ASTE1: variants seen among roughly 807,000 people sequenced by gnomAD.
ASTE1 encodes the protein asteroid structure-specific endonuclease 1, also known as single-strand DNA endonuclease ASTE1.
Under a neutral mutation model 45.8 loss-of-function variants are expected in ASTE1, and 49 were observed. That is an observed-to-expected ratio of 1.07 (90% CI 0.85 to 1.36). The LOEUF (loss-of-function observed/expected upper bound fraction) is 1.36, where lower values mean the gene tolerates loss of function less well. Ranked by LOEUF, ASTE1 falls within the 40% of genes most tolerant of loss-of-function variation. The pLI is 0.00. For missense variants in ASTE1, 709 were observed against 804.0 expected, an observed-to-expected ratio of 0.88 and a Z score of 1.43; for synonymous variants, 296 against 303.9, an observed-to-expected ratio of 0.97 and a Z score of 0.27.
At chr3:131,020,957 T>A (rs559346699) in intron 3 of ASTE1, among the ~76,000 whole-genome samples, 1 of 152,258 alleles carries the variant, frequency 6.6e-6, no homozygotes, top group Admixed American at 6.5e-5. Flanking sequence ...GGTATCCTGA[T>A]CCCTATTTCA....
At chr3:131,016,376 A>C in intron 4 of ASTE1, 37 bp from the exon 5 acceptor site, 1 of 1,610,282 alleles carries the variant, frequency 6.2e-7, no homozygotes, top group Non-Finnish European at 8.5e-7. Context: ...GTATTTCTAA[A>C]AGCACTGTAA....
intron 4 of ASTE1, 53 bp from the exon 5 acceptor site, chr3:131,016,392 T>C: frequency 1.3e-6 from 2 of 1,587,032 alleles, no homozygotes; most frequent in Non-Finnish European, 1.7e-6. Flanking sequence ...TGTAACAGCT[T>C]TTCATTTTCT....
chr3:131,017,308 T>G (rs767844867), intron 4 of ASTE1, among the ~76,000 whole-genome samples: 9 of 152,240 alleles, frequency 5.9e-5, no homozygotes, highest in Non-Finnish European at 1.2e-4. Context: ...CCATGCTGTT[T>G]CATTCTTTTA....
chr3:131,015,316 G>T, intron 5 of ASTE1: 1 of 664,444 alleles, frequency 1.5e-6, no homozygotes, highest in South Asian at 1.6e-5. Flanking sequence ...TCTGAGTGGA[G>T]AGACAAACAA....
chr3:131,015,979 C>T, intron 5 of ASTE1, 165 bp downstream of exon 5: 1 of 849,056 alleles, frequency 1.2e-6, no homozygotes, highest in Non-Finnish European at 1.9e-6. Flanking sequence ...TTCCCGTTTC[C>T]AGCTCTTCAG....
chr3:131,022,786 A>T (rs2063761067), intron 3 of ASTE1, among the ~76,000 whole-genome samples: 1 of 152,126 alleles, frequency 6.6e-6, no homozygotes, highest in African/African-American at 2.4e-5. Flanking sequence ...TCACTATGAC[A>T]TTCATCTCCT....
rs1257508987 is a variant in ASTE1, at chr3:131,018,597, C to T, written c.1422G>A (p.Gln474=). Residue 474 remains glutamine (Q), a synonymous_variant, in exon 4 of 6, where the codon CAG becomes CAA. Coordinates refer to ENST00000264992, the MANE Select transcript of ASTE1 (RefSeq NM_014065.4). ...GTAGCTTTGCTTTGGTCTCGGTGTG[C>T]TGCAACCAGTAGCAACTGACAGCAA... The part of the protein sequence containing the change: ...LPIAVSCYWL[Q]HTETKAKLHH... 3.1e-6 allele frequency: 5 copies of T among 1,613,866 alleles called. No homozygotes were observed. Among genetic ancestry groups the T allele is most frequent in the Non-Finnish European group, 4.2e-6 (5 of 1,180,010 alleles).
At position 131,018,700 on chromosome 3, in the gene ASTE1, C is replaced by T. The variant is rs527868033; in HGVS notation, c.1319G>A (p.Arg440Gln). Residue 440 changes from arginine to glutamine, a missense_variant, in exon 4 of 6, where the codon CGG becomes CAG. Arg to Gln is a conservative substitution (Grantham distance 43). Transcript: ENST00000264992. ...SRLTELSLRR[R>Q]QMLLLETLKV... Reference sequence around the variant, plus strand: ...CAGGGTTTCTAACAGAAGCATCTGCCGCCTCCTCAAGGAGAGCTGAAAATA... The same window carrying T: ...CAGGGTTTCTAACAGAAGCATCTGCTGCCTCCTCAAGGAGAGCTGAAAATA... 3.1e-5 allele frequency: 50 copies of T among 1,613,820 alleles called. No individual in the cohort carries two copies. The South Asian group carries it at 3.7e-4, about 12-fold the overall frequency.
intron 1 of ASTE1, 85 bp from the exon 2 acceptor site, chr3:131,025,679 C>T (rs1275576889): frequency 5.0e-6 from 1 of 198,718 alleles, no homozygotes; most frequent in East Asian, 1.3e-4. Context: ...TAATAGTCAA[C>T]ATCTTACAGC....
At chr3:131,014,494 T>G in intron 5 of ASTE1, 107 bp from the exon 6 acceptor site, 1 of 1,003,334 alleles carries the variant, frequency 1.0e-6, no homozygotes, top group Non-Finnish European at 1.4e-6. Context: ...TGAGAGCTCT[T>G]ATTGCTCTAT....
At chr3:131,018,269 C>T (rs1252683148) in intron 4 of ASTE1, among the ~76,000 whole-genome samples, 1 of 152,158 alleles carries the variant, frequency 6.6e-6, no homozygotes, top group Admixed American at 6.5e-5. Flanking sequence ...GGCAGTACCC[C>T]AACACATCTC....
intron 3 of ASTE1, among the ~76,000 whole-genome samples, chr3:131,019,615 T>C (rs1024560098): frequency 3.3e-5 from 5 of 152,210 alleles, no homozygotes; most frequent in Non-Finnish European, 5.9e-5. Flanking sequence ...GACTTTATAA[T>C]CAAACTTTAA....
At chr3:131,015,947 A>G in intron 5 of ASTE1, 197 bp downstream of exon 5, 1 of 744,230 alleles carries the variant, frequency 1.3e-6, no homozygotes, top group Non-Finnish European at 2.3e-6. Context: ...TTCTTTGAGA[A>G]TATGGAAATA....
Position 131,018,533 on chromosome 3 carries a change from G to A in ASTE1, c.1486C>T (p.Pro496Ser). 6.2e-7 allele frequency: 1 copy of A among 1,613,918 alleles called. No homozygotes were observed. Among genetic ancestry groups the A allele is most frequent in the Non-Finnish European group, 8.5e-7 (1 of 1,179,994 alleles). ...GGGCTGTTGATTATGGCAATCAAGGGCCCCACTAGCATTGTGAGCAGTAAG... is the reference window on the plus strand; with the variant it reads ...GGGCTGTTGATTATGGCAATCAAGGACCCCACTAGCATTGTGAGCAGTAAG... The part of the protein sequence containing the change: ...QSLLLTMLVG[P>S]LIAIINSPGK... Residue 496 changes from proline to serine, a missense_variant, in exon 4 of 6, where the codon CCC becomes TCC. Transcript: ENST00000264992.
In ASTE1 at chr3:131,024,135, G is replaced by C; in HGVS notation, c.1172C>G (p.Ser391Cys). ...AGGCTGAGGAGGCAATGCATTCCAG[G>C]ATGTCTTGTCCAGATGTGGTGAGGC... ...LNASPHLDKT[S>C]WNALPPQPLA... Residue 391 changes from serine to cysteine, a missense_variant, in exon 3 of 6, where the codon TCC becomes TGC. Physicochemically the swap from Ser to Cys is moderately radical, Grantham distance 112. Coordinates refer to ENST00000264992, the MANE Select transcript of ASTE1 (RefSeq NM_014065.4). The C allele has an allele frequency of 6.2e-7, 1 of 1,614,182 alleles. No homozygotes were observed. The highest frequency in any genetic ancestry group is 8.5e-7 in the Non-Finnish European group (1 of 1,180,022).
At chr3:131,016,905 G>T in intron 4 of ASTE1, 2 of 926,168 alleles carry the variant, frequency 2.2e-6, no homozygotes, top group Non-Finnish European at 3.0e-6. Flanking sequence ...TGTGTTTTTA[G>T]CTGTAAGTTT....
intron 5 of ASTE1, 24 bp from the exon 6 acceptor site, chr3:131,014,411 T>C (rs775137336): frequency 6.5e-7 from 1 of 1,539,376 alleles, no homozygotes; most frequent in African/African-American, 1.4e-5. Context: ...GAAAAAAGTA[T>C]GTTGTTAAAG....
intron 3 of ASTE1, among the ~76,000 whole-genome samples, chr3:131,020,923 T>C (rs932702439): frequency 1.3e-5 from 2 of 152,124 alleles, no homozygotes; most frequent in Non-Finnish European, 2.9e-5. Context: ...ATGGATTCAG[T>C]TGGATTTCCA....
chr3:131,024,176 A>G lies in ASTE1; in HGVS notation c.1131T>C (p.Tyr377=), dbSNP rs776075164. The part of the protein sequence containing the change: ...RISQPIRQII[Y]GLLLNASPHL... ...GTGGTGAGGCATTTAAAAGAAGCCC[A>G]TAGATGATTTGCCTGATGGGCTGAG... Residue 377 remains tyrosine, a synonymous_variant, in exon 3 of 6, where the codon TAT becomes TAC. Coordinates refer to ENST00000264992, the MANE Select transcript of ASTE1 (RefSeq NM_014065.4). 1 of 1,614,214 alleles carries G rather than the reference A, an allele frequency of 6.2e-7. No homozygotes were observed. The highest frequency in any genetic ancestry group is 1.1e-5 in the South Asian group (1 of 91,090).
Sources: gnomAD v4.1 joint callset for allele counts (sites outside exome capture counted in the v4.1 genomes callset) on GRCh38, gnomAD v4.1.1 for gene constraint, MANE v1.5 for transcripts, NCBI Gene and HGNC (gene_info 2026-07-23, HGNC 2026-07-21) for gene names.